Variants in ANLN observed in about 807,000 individuals in gnomAD.
ANLN encodes anillin, actin binding protein, also known as anillin.
ANLN carries 59 observed loss-of-function variants against 135.1 expected under a neutral mutation model. The observed-to-expected ratio is 0.44, with a 90% CI of 0.35 to 0.54. The LOEUF is 0.54. Ranked by LOEUF, ANLN falls within the 20% of genes least tolerant of loss-of-function variation. The probability of loss-of-function intolerance (pLI) is 0.00; values close to 1 mark genes in which losing one functional copy is unlikely to be tolerated. For missense variants in ANLN, 1,182 were observed against 1,340.0 expected (o/e 0.88, Z 1.84); for synonymous variants, 406 against 456.4 (o/e 0.89, Z 1.41).
chr7:36,429,037 C>A (rs1194717815), intron 20 of ANLN, among the ~76,000 whole-genome samples: 1 of 151,870 alleles, frequency 6.6e-6, no homozygotes, highest in Non-Finnish European at 1.5e-5. Context: ...CCTTGGCCTC[C>A]CAAAGTGCTG....
Position 36,411,041 on chromosome 7 carries a change from A to C in ANLN, c.1288-18A>C. 2 of 1,567,084 alleles carry C rather than the reference A, an allele frequency of 1.3e-6. No homozygotes were observed. The highest frequency in any genetic ancestry group is 1.7e-6 in the Non-Finnish European group (2 of 1,164,406). On this transcript the variant is annotated intron_variant, in intron 6 of 23. Transcript: ENST00000265748. ...TGCTACCGGCTCTTGTGTAAAATAC[A>C]GCTTTTGATGGGTTTAGGAACGTCA... is the stretch of plus-strand genomic sequence containing the variant.
At chr7:36,434,052 A>G (rs755488402) in intron 20 of ANLN, among the ~76,000 whole-genome samples, 13 of 152,042 alleles carry the variant, frequency 8.6e-5, no homozygotes, top group Non-Finnish European at 1.9e-4. Context: ...GTGTTTTCCT[A>G]CTTTTTCACA....
chr7:36,452,510 G>A lies in ANLN; in HGVS notation c.3285G>A (p.Arg1095=). 1 of 1,614,010 alleles carries A rather than the reference G, an allele frequency of 6.2e-7. No individual in the cohort carries two copies. Among genetic ancestry groups the A allele is most frequent in the Non-Finnish European group, 8.5e-7 (1 of 1,179,932 alleles). Residue 1095 remains arginine (R), a synonymous_variant, in exon 24 of 24, where the codon CGG becomes CGA. Coordinates refer to ENST00000265748, the MANE Select transcript of ANLN (RefSeq NM_018685.5). ...TGTCTGCAGATACTAAAGAAGAGCGGGATCTCTGGATGCAAAAACTCAATC... is the reference window on the plus strand; with the variant it reads ...TGTCTGCAGATACTAAAGAAGAGCGAGATCTCTGGATGCAAAAACTCAATC... ...NWLSADTKEE[R]DLWMQKLNQV...
chr7:36,447,500 C>A (rs1369042742), intron 22 of ANLN, among the ~76,000 whole-genome samples: 3 of 149,124 alleles, frequency 2.0e-5, no homozygotes, highest in African/African-American at 7.4e-5. Flanking sequence ...TCTCGGCTCA[C>A]TGCAAGCACC....
intron 8 of ANLN, 77 bp downstream of exon 8, chr7:36,415,961 A>G: frequency 7.8e-7 from 1 of 1,284,608 alleles, no homozygotes; most frequent in Non-Finnish European, 1.1e-6. Flanking sequence ...GTATTCTGTA[A>G]CTTTGCTGGA....
In ANLN at chr7:36,439,210, T is replaced by G; in HGVS notation, c.2890T>G (p.Phe964Val). 1 of 1,577,840 alleles carries G rather than the reference T, an allele frequency of 6.3e-7. No individual in the cohort carries two copies. Among genetic ancestry groups the G allele is most frequent in the Non-Finnish European group, 8.7e-7 (1 of 1,155,530 alleles). The change falls in exon 21 of 24, where the codon TTT becomes GTT. Residue 964 changes from phenylalanine (F) to valine (V), a missense_variant. Around this residue, in one of 3 missense-constraint regions of ANLN, gnomAD observed 82 missense variants for 133.3 expected, o/e 0.62. Coordinates refer to ENST00000265748, the MANE Select transcript of ANLN (RefSeq NM_018685.5). ...NTKFVLDKVPFLSSLEGHIYL... is the reference protein window; with the variant it reads ...NTKFVLDKVPVLSSLEGHIYL... The stretch of plus-strand genomic sequence containing the variant: ...TTACCTGTTTTCTTTGCAGGTCCCC[T>G]TTTTATCTTCTTTGGAAGGTCATAT...
chr7:36,426,969 G>T lies in ANLN; in HGVS notation c.2824G>T (p.Val942Phe). 1 of 1,613,526 alleles carries T rather than the reference G, an allele frequency of 6.2e-7. No individual in the cohort carries two copies. The highest frequency in any genetic ancestry group is 8.5e-7 in the Non-Finnish European group (1 of 1,179,848). The change falls in exon 20 of 24, where the codon GTT (valine) becomes TTT (phenylalanine). Residue 942 changes from valine to phenylalanine, a missense_variant. This residue lies in a region of ANLN where 1,022 missense variants were observed against 1,134.0 expected (regional missense o/e 0.90). Transcript: ENST00000265748. Reference protein sequence around the residue: ...SAVRTSNFALVGSYTLSLSSV... With the variant: ...SAVRTSNFALFGSYTLSLSSV... ...TGTGCGAACCAGCAACTTCGCCCTT[G>T]TTGGATCTTACACATTATCATTGTC...
At chr7:36,435,704 T>C (rs1268229752) in intron 20 of ANLN, among the ~76,000 whole-genome samples, 2 of 150,828 alleles carry the variant, frequency 1.3e-5, no homozygotes, top group African/African-American at 2.4e-5. Context: ...AAACCCCGTC[T>C]CTACTAAAAA....
At chr7:36,440,529 G>T (rs896344612) in intron 21 of ANLN, among the ~76,000 whole-genome samples, 31 of 152,166 alleles carry the variant, frequency 2.0e-4, no homozygotes, top group African/African-American at 7.5e-4. Flanking sequence ...GAAGAGTGTT[G>T]TGCTTGCAGA....
intron 3 of ANLN, among the ~76,000 whole-genome samples, chr7:36,401,263 C>G (rs1786933791): frequency 6.6e-6 from 1 of 152,228 alleles, no homozygotes; most frequent in Admixed American, 6.5e-5. Flanking sequence ...AACCTGTCCA[C>G]AGTTAGCCAG....
chr7:36,408,521 A>T (rs1449121393), intron 5 of ANLN, among the ~76,000 whole-genome samples: 1 of 152,204 alleles, frequency 6.6e-6, no homozygotes, highest in Non-Finnish European at 1.5e-5. Context: ...ATTCGTAAAG[A>T]TCAAATCAGT....
intron 12 of ANLN, among the ~76,000 whole-genome samples, chr7:36,421,632 T>C (rs975459896): frequency 2.6e-5 from 4 of 152,046 alleles, no homozygotes; most frequent in Admixed American, 6.5e-5. Flanking sequence ...TTAATAAGTA[T>C]GAATTGGAAG....
intron 3 of ANLN, among the ~76,000 whole-genome samples, chr7:36,404,865 A>C (rs1787123219): frequency 1.3e-5 from 2 of 152,344 alleles, no homozygotes; most frequent in Middle Eastern, 6.8e-3. Context: ...TATCCTGGTC[A>C]GATGGTGCAA....
In ANLN at chr7:36,439,286, T is replaced by G. The variant is rs1239149039; in HGVS notation, c.2966T>G (p.Phe989Cys). The part of the protein sequence containing the change: ...QVNSSVEERG[F>C]LTIFEDVSGF... ...AATTCCAGTGTTGAAGAAAGAGGTTTTCTAGTAAGTAACATCACTTAGTCT... is the reference window on the plus strand; with the variant it reads ...AATTCCAGTGTTGAAGAAAGAGGTTGTCTAGTAAGTAACATCACTTAGTCT... The change falls in exon 21 of 24, where the codon TTT becomes TGT. Residue 989 changes from phenylalanine (F) to cysteine (C), a missense_variant. Physicochemically the swap from Phe to Cys is radical, Grantham distance 205 (BLOSUM62 -2). Transcript: ENST00000265748. The G allele has an allele frequency of 6.6e-7, 1 of 1,523,754 alleles. No homozygotes were observed. Among genetic ancestry groups the G allele is most frequent in the African/African-American group, 1.4e-5 (1 of 72,496 alleles). 94.4% of individuals were successfully genotyped at this position (1,523,754 alleles called of 1,614,324 possible). A position where few individuals can be genotyped will look rare whatever the true frequency, so the allele number is the denominator to read the frequency against.
Position 36,396,430 on chromosome 7 carries a change from T to G in ANLN, c.172+11T>G. ...TCTCTGGTGGTGAAGGTAAAAGACT[T>G]TGTGGGGAAAAATAACATTTACTTT... is the stretch of plus-strand genomic sequence containing the variant. On this transcript the variant is annotated intron_variant, in intron 2 of 23. Transcript: ENST00000265748. 6.5e-7 allele frequency: 1 copy of G among 1,533,346 alleles called. No individual in the cohort carries two copies. The highest frequency in any genetic ancestry group is 8.8e-7 in the Non-Finnish European group (1 of 1,134,874). The allele number at this position is 1,533,346 out of a possible 1,614,324, so 95.0% of individuals were successfully genotyped here.
At position 36,399,168 on chromosome 7, in the gene ANLN, G is replaced by T. The variant is rs1320722600; in HGVS notation, c.262G>T (p.Val88Phe). 6.2e-7 allele frequency: 1 copy of T among 1,614,098 alleles called. No individual in the cohort carries two copies. Among genetic ancestry groups the T allele is most frequent in the East Asian group, 2.2e-5 (1 of 44,876 alleles). ...EVSNLENKQP[V>F]ESTSAKSCSP... The stretch of plus-strand genomic sequence containing the variant: ...TTCTAACTTGGAAAATAAACAACCA[G>T]TTGAGTCGACATCTGCAAAATCTTG... Residue 88 changes from valine (V) to phenylalanine (F), a missense_variant, in exon 3 of 24, where the codon GTT (valine) becomes TTT (phenylalanine). This residue lies in a region of ANLN where 1,022 missense variants were observed against 1,134.0 expected (regional missense o/e 0.90). Coordinates refer to ENST00000265748, the MANE Select transcript of ANLN (RefSeq NM_018685.5).
chr7:36,451,772 A>ATGGC (rs895175794), intron 23 of ANLN, among the ~76,000 whole-genome samples: 1 of 152,180 alleles, frequency 6.6e-6, no homozygotes, highest in African/African-American at 2.4e-5. Flanking sequence ...TAAAAACCTA[A>ATGGC]TGGCTGGCTG....
chr7:36,422,096 C>T (rs980038669), intron 13 of ANLN, 104 bp downstream of exon 13: 25 of 1,299,730 alleles, frequency 1.9e-5, no homozygotes, highest in South Asian at 4.7e-5. Flanking sequence ...TTTTCCTAGT[C>T]ATCTGTTCCA....
intron 1 of ANLN, among the ~76,000 whole-genome samples, chr7:36,393,097 C>T (rs367809290): frequency 3.6e-4 from 54 of 151,572 alleles, no homozygotes; most frequent in Non-Finnish European, 5.6e-4. Flanking sequence ...GATCTTGGCT[C>T]GGTGTCACTT....
Sources: allele counts gnomAD v4.1 joint callset (sites outside exome capture counted in the v4.1 genomes callset), GRCh38; gene constraint gnomAD v4.1.1; regional missense constraint gnomAD v4.1.1; transcripts MANE v1.5; gene names NCBI Gene and HGNC (gene_info 2026-07-23, HGNC 2026-07-21).